MYRFL: variants seen among roughly 807,000 people sequenced by gnomAD.
MYRFL encodes the protein myelin regulatory factor-like protein.
MYRFL carries 88 observed loss-of-function variants against 109.4 expected under a neutral mutation model. The ratio of observed to expected loss-of-function variants is 0.80; its 90% CI spans 0.68 to 0.96. MYRFL has a LOEUF of 0.96. Ranked by LOEUF, MYRFL falls within the 40% of genes least tolerant of loss-of-function variation. The probability of loss-of-function intolerance (pLI) is 0.00; values close to 1 mark genes in which losing one functional copy is unlikely to be tolerated. For synonymous variants in MYRFL, 324 were observed against 320.9 expected, an observed-to-expected ratio of 1.01 and a Z score of -0.10; for missense variants, 957 against 954.9, an observed-to-expected ratio of 1.00 and a Z score of -0.03.
At chr12:69,940,741 A>C (rs1261022078) in intron 19 of MYRFL, among the ~76,000 whole-genome samples, 1 of 146,544 alleles carries the variant, frequency 6.8e-6, no homozygotes, top group African/African-American at 2.5e-5. Context: ...AGACTGGCAA[A>C]TTGGATAAAG....
chr12:69,871,624 T>C (rs1475654595), intron 2 of MYRFL, among the ~76,000 whole-genome samples: 1 of 152,220 alleles, frequency 6.6e-6, no homozygotes, highest in African/African-American at 2.4e-5. Context: ...TATAATCTTC[T>C]GGGAAGATTT....
At chr12:69,908,613 C>T in intron 11 of MYRFL, among the ~76,000 whole-genome samples, 1 of 152,124 alleles carries the variant, frequency 6.6e-6, no homozygotes. Context: ...TTTTCAACAC[C>T]TCCTCAGAGC....
intron 22 of MYRFL, among the ~76,000 whole-genome samples, chr12:69,956,188 TA>T (rs34735216): frequency 0.58 from 82,602 of 142,080 alleles, 24,463 homozygotes; most frequent in Non-Finnish European, 0.68. Flanking sequence ...TCAGGACACA[TA>T]AAAAAAAAAA....
At chr12:69,953,954 G>A in intron 21 of MYRFL, among the ~76,000 whole-genome samples, 1 of 152,062 alleles carries the variant, frequency 6.6e-6, no homozygotes, top group African/African-American at 2.4e-5. Flanking sequence ...TCAAGTTGAT[G>A]GCTGTGAGTT....
chr12:69,828,600 T>G (rs1882432287), intron 1 of MYRFL, among the ~76,000 whole-genome samples: 1 of 152,152 alleles, frequency 6.6e-6, no homozygotes, highest in Admixed American at 6.6e-5. Context: ...TTGAAAACAT[T>G]GTCAATTTCA....
intron 3 of MYRFL, 37 bp downstream of exon 3, chr12:69,879,132 T>G: frequency 2.9e-6 from 2 of 680,290 alleles, no homozygotes; most frequent in Admixed American, 2.1e-5. Context: ...CTGGCACTGT[T>G]GCTCTTCCTC....
chr12:69,863,478 C>A (rs1336943537), intron 2 of MYRFL, among the ~76,000 whole-genome samples: 5 of 152,036 alleles, frequency 3.3e-5, no homozygotes, highest in East Asian at 1.9e-4. Context: ...ACTCGAGGGA[C>A]AACAATCTAC....
rs142751689 is a variant in MYRFL at position 69,895,726 on chromosome 12, C to T, written c.1091+245C>T. Among the ~76,000 whole-genome samples, 28 of 152,240 alleles carry T rather than the reference C, an allele frequency of 1.8e-4. 1 individual carries two copies. The highest frequency in any genetic ancestry group is 3.4e-3 in the Middle Eastern group (1 of 294). ...TGCCCTGCCCTGTCTCTGCCTGGCT[C>T]GATTGCCTCCATGTTTTTCTAGAGT... On this transcript the variant is annotated intron_variant, in intron 9 of 24. Coordinates refer to ENST00000552032, the MANE Select transcript of MYRFL (RefSeq NM_182530.3).
At chr12:69,949,653 A>AT (rs35862776) in intron 19 of MYRFL, among the ~76,000 whole-genome samples, 115 of 146,240 alleles carry the variant, frequency 7.9e-4, no homozygotes, top group South Asian at 1.1e-3. Context: ...TTTTTTTGTA[A>AT]TTTTTTTTTT....
intron 2 of MYRFL, among the ~76,000 whole-genome samples, chr12:69,871,040 A>C (rs1395842106): frequency 1.3e-5 from 2 of 152,174 alleles, no homozygotes; most frequent in African/African-American, 2.4e-5. Flanking sequence ...TAAATGTGGA[A>C]TTATGAGATC....
Position 69,925,913 on chromosome 12 carries a change from G to T in MYRFL, c.1603-658G>T, listed in dbSNP as rs140520530. ...GATGAAGAAATGGAAGCACAGAGAG[G>T]TTATTGCATTTTGTCTGGAGTCTCA... On this transcript the variant is annotated intron_variant, in intron 13 of 24. Transcript: ENST00000552032. Among the ~76,000 whole-genome samples, 781 of 152,246 alleles carry T rather than the reference G, an allele frequency of 5.1e-3. 11 individuals carry two copies. The highest frequency in any genetic ancestry group is 0.018 in the African/African-American group (747 of 41,546).
chr12:69,949,324 C>T (rs893704239), intron 19 of MYRFL, among the ~76,000 whole-genome samples: 1 of 151,980 alleles, frequency 6.6e-6, no homozygotes, highest in Non-Finnish European at 1.5e-5. Context: ...TGATTGCTTT[C>T]ACTATCTACT....
chr12:69,877,824 AG>A (rs1186395881), intron 2 of MYRFL, among the ~76,000 whole-genome samples: 1 of 152,226 alleles, frequency 6.6e-6, no homozygotes, highest in African/African-American at 2.4e-5. Flanking sequence ...AAGAGAATCA[AG>A]TAGAGGTTGG....
chr12:69,937,028 G>A (rs1013479776), intron 19 of MYRFL, among the ~76,000 whole-genome samples: 9 of 152,144 alleles, frequency 5.9e-5, no homozygotes, highest in African/African-American at 2.2e-4. Flanking sequence ...AGAGACTTTG[G>A]AAACTCTAAT....
chr12:69,903,933 C>T (rs1187787084), intron 11 of MYRFL, 89 bp downstream of exon 11: 1 of 1,168,798 alleles, frequency 8.6e-7, no homozygotes, highest in Non-Finnish European at 1.2e-6. Flanking sequence ...CCTTGAACCG[C>T]ACATCTTTAC....
chr12:69,852,047 C>T (rs1883907256), intron 1 of MYRFL, among the ~76,000 whole-genome samples: 2 of 152,188 alleles, frequency 1.3e-5, no homozygotes, highest in Non-Finnish European at 1.5e-5. Flanking sequence ...TTAAAGTCCA[C>T]GAGTTCAAAT....
intron 22 of MYRFL, among the ~76,000 whole-genome samples, chr12:69,956,684 T>C (rs1037491395): frequency 6.6e-6 from 1 of 152,042 alleles, no homozygotes; most frequent in Admixed American, 6.6e-5. Flanking sequence ...CTCCGTCTTA[T>C]TCAGTCTTCA....
intron 15 of MYRFL, among the ~76,000 whole-genome samples, chr12:69,930,537 G>A (rs777325529): frequency 1.3e-5 from 2 of 152,078 alleles, no homozygotes; most frequent in Non-Finnish European, 2.9e-5. Flanking sequence ...GAATGAAGAC[G>A]GCTGGGCATG....
In MYRFL at chr12:69,936,639, G is replaced by A; in HGVS notation, c.2224+7G>A. 6.7e-7 allele frequency: 1 copy of A among 1,497,758 alleles called. No individual in the cohort carries two copies. Among genetic ancestry groups the A allele is most frequent in the African/African-American group, 1.4e-5 (1 of 71,428 alleles). The allele number at this position is 1,497,758 out of a possible 1,614,324, so 92.8% of individuals were successfully genotyped here. A position where few individuals can be genotyped will look rare whatever the true frequency, so the allele number is the denominator to read the frequency against. ...CATCAGAGGCGATGGTCAGGTAAATGATGTTCAAAGAGAAACAACTAGAGC... is the reference window on the plus strand; with the variant it reads ...CATCAGAGGCGATGGTCAGGTAAATAATGTTCAAAGAGAAACAACTAGAGC... On this transcript the variant is annotated splice_region_variant and intron_variant, in intron 19 of 24. Coordinates refer to ENST00000552032, the MANE Select transcript of MYRFL (RefSeq NM_182530.3).
Sources: allele counts gnomAD v4.1 joint callset (sites outside exome capture counted in the v4.1 genomes callset), GRCh38; gene constraint gnomAD v4.1.1; transcripts MANE v1.5; gene names NCBI Gene and HGNC (gene_info 2026-07-23, HGNC 2026-07-21).